The following CPXM2 variants were observed in gnomAD, a reference collection of about 807,000 sequenced individuals.
CPXM2 encodes the protein carboxypeptidase X, M14 family member 2.
A neutral mutation model predicts 86.1 loss-of-function variants in CPXM2; 66 were observed. The observed-to-expected ratio is 0.77, with a 90% CI of 0.63 to 0.94. CPXM2 has a LOEUF of 0.94. Among genes scored for constraint, CPXM2 ranks in the 40% least tolerant of loss-of-function variants. The pLI, the probability that CPXM2 is intolerant of heterozygous loss-of-function variation, is 0.00. For synonymous variants in CPXM2, 388 were observed against 400.2 expected (o/e 0.97, Z 0.36); for missense variants, 948 against 1,026.3 (o/e 0.92, Z 1.04).
chr10:123,916,981 G>A (rs1039913733), intron 2 of CPXM2, among the ~76,000 whole-genome samples: 7 of 152,088 alleles, frequency 4.6e-5, no homozygotes, highest in African/African-American at 1.7e-4. Flanking sequence ...GCTGGAGGGG[G>A]TGAGTAGGGA....
intron 13 of CPXM2, among the ~76,000 whole-genome samples, chr10:123,747,921 C>CAAAAAAAAAAAA (rs59206856): frequency 2.8e-5 from 2 of 72,034 alleles, no homozygotes; most frequent in African/African-American, 5.0e-5. Flanking sequence ...GACTCTGTCT[C>CAAAAAAAAAAAA]AAAAAAAAAA....
At chr10:123,764,977 C>T (rs549072981) in intron 10 of CPXM2, among the ~76,000 whole-genome samples, 3 of 151,990 alleles carry the variant, frequency 2.0e-5, no homozygotes, top group Admixed American at 2.0e-4. Flanking sequence ...TTTTTAGTTG[C>T]CAGTATTTTT....
At chr10:123,906,428 C>G (rs976017172) in intron 2 of CPXM2, among the ~76,000 whole-genome samples, 6 of 152,226 alleles carry the variant, frequency 3.9e-5, no homozygotes, top group Non-Finnish European at 8.8e-5. Flanking sequence ...CACCTTTCTT[C>G]CAGACAGCTA....
At chr10:123,822,758 T>C (rs1847956108) in intron 4 of CPXM2, among the ~76,000 whole-genome samples, 1 of 150,180 alleles carries the variant, frequency 6.7e-6, no homozygotes, top group African/African-American at 2.5e-5. Context: ...TAATAGAATT[T>C]TCCAGAATTG....
At chr10:123,915,598 A>T (rs889519393) in intron 2 of CPXM2, among the ~76,000 whole-genome samples, 3 of 152,020 alleles carry the variant, frequency 2.0e-5, no homozygotes, top group Admixed American at 1.3e-4. Context: ...ATTATTCTCC[A>T]TCTCAGCTAT....
intron 2 of CPXM2, among the ~76,000 whole-genome samples, chr10:123,901,953 C>T (rs958788037): frequency 6.6e-6 from 1 of 152,180 alleles, no homozygotes; most frequent in Non-Finnish European, 1.5e-5. Flanking sequence ...GCAAACTGTT[C>T]ACTGGAATGA....
At position 123,757,140 on chromosome 10, in the gene CPXM2, A is replaced by G. The variant is rs939479085; in HGVS notation, c.1917+73T>C. ...AGGTCTGAAGCTCTAATTCCATCCC[A>G]TACTTTCAGCCACCTCGGCAGCCTC... is the stretch of plus-strand genomic sequence containing the variant. On this transcript the variant is annotated intron_variant, in intron 12 of 13. Coordinates refer to ENST00000241305, the MANE Select transcript of CPXM2 (RefSeq NM_198148.3). 7 of 1,422,004 alleles carry G rather than the reference A, an allele frequency of 4.9e-6. No individual in the cohort carries two copies. In the African/African-American group the frequency reaches 9.8e-5, roughly 20 times the overall value. 88.1% of individuals were successfully genotyped at this position (1,422,004 alleles called of 1,614,324 possible).
intron 4 of CPXM2, among the ~76,000 whole-genome samples, chr10:123,804,097 T>G (rs1847527034): frequency 6.6e-6 from 1 of 152,226 alleles, no homozygotes. Context: ...GGATGCTCTA[T>G]TCTGTTCTGT....
chr10:123,889,338 C>A (rs184291394), intron 1 of CPXM2, among the ~76,000 whole-genome samples: 11 of 152,292 alleles, frequency 7.2e-5, no homozygotes, highest in Non-Finnish European at 1.3e-4. Context: ...GGAAGCATTA[C>A]GCAAGCCCCC....
intron 11 of CPXM2, 32 bp downstream of exon 11, chr10:123,761,840 C>T (rs374894031): frequency 7.5e-6 from 12 of 1,601,966 alleles, no homozygotes; most frequent in African/African-American, 2.7e-5. Context: ...CTCCTGCGCC[C>T]GCAGCCCACT....
intron 2 of CPXM2, among the ~76,000 whole-genome samples, chr10:123,920,585 T>A (rs1945571873): frequency 6.6e-6 from 1 of 152,210 alleles, no homozygotes; most frequent in South Asian, 2.1e-4. Flanking sequence ...GGCAAAAAGA[T>A]CTATTGGTAA....
chr10:123,912,657 CA>C (rs2134271732), intron 2 of CPXM2, among the ~76,000 whole-genome samples: 1 of 152,312 alleles, frequency 6.6e-6, no homozygotes, highest in East Asian at 1.9e-4. Context: ...TGAACTGAAA[CA>C]CGCCCAGCCC....
intron 6 of CPXM2, among the ~76,000 whole-genome samples, chr10:123,796,265 T>A (rs1847333790): frequency 6.6e-6 from 1 of 152,182 alleles, no homozygotes; most frequent in African/African-American, 2.4e-5. Context: ...TTTCAGGAAA[T>A]AATTGTGGAC....
chr10:123,807,840 C>T (rs1406996877), intron 4 of CPXM2, among the ~76,000 whole-genome samples: 1 of 152,132 alleles, frequency 6.6e-6, no homozygotes, highest in Non-Finnish European at 1.5e-5. Flanking sequence ...GTTTAAAAAC[C>T]ATGGCACTGT....
At chr10:123,866,846 T>G (rs2134205466) in intron 2 of CPXM2, among the ~76,000 whole-genome samples, 1 of 152,374 alleles carries the variant, frequency 6.6e-6, no homozygotes, top group South Asian at 2.1e-4. Context: ...CACACAGCAG[T>G]AAAGTCAGCT....
intron 2 of CPXM2, among the ~76,000 whole-genome samples, chr10:123,878,585 C>T (rs968218981): frequency 6.6e-6 from 1 of 150,900 alleles, no homozygotes; most frequent in Non-Finnish European, 1.5e-5. Context: ...ATGGTCTCCT[C>T]AAAAGTTTAA....
At chr10:123,883,008 G>A (rs540325056) in intron 1 of CPXM2, among the ~76,000 whole-genome samples, 8 of 148,214 alleles carry the variant, frequency 5.4e-5, no homozygotes, top group African/African-American at 1.3e-4. Context: ...TGGACTGCCC[G>A]CAATACCATG....
chr10:123,789,174 A>G (rs1847144469), intron 6 of CPXM2, among the ~76,000 whole-genome samples: 1 of 152,160 alleles, frequency 6.6e-6, no homozygotes, highest in East Asian at 1.9e-4. Context: ...GGTAATTCCT[A>G]TAGAGCAAGG....
chr10:123,758,608 T>G (rs1457301716), intron 11 of CPXM2, among the ~76,000 whole-genome samples: 1 of 152,194 alleles, frequency 6.6e-6, no homozygotes, highest in African/African-American at 2.4e-5. Context: ...AAAGCAGACA[T>G]TATCTTCTGG....
Sources: gnomAD v4.1 joint callset for allele counts (sites outside exome capture counted in the v4.1 genomes callset) on GRCh38, gnomAD v4.1.1 for gene constraint, MANE v1.5 for transcripts, NCBI Gene and HGNC (gene_info 2026-07-23, HGNC 2026-07-21) for gene names.